SPAG16: variants seen among roughly 807,000 people sequenced by gnomAD.
SPAG16 encodes the protein sperm associated antigen 16.
SPAG16 carries 86 observed loss-of-function variants against 80.4 expected under a neutral mutation model. That is an observed-to-expected ratio of 1.07 (90% CI 0.90 to 1.28). SPAG16 has a LOEUF of 1.28. Among genes scored for constraint, SPAG16 ranks in the 50% most tolerant of loss-of-function variants. The pLI, the probability that SPAG16 is intolerant of heterozygous loss-of-function variation, is 0.00. For synonymous variants in SPAG16, 294 were observed against 265.9 expected (o/e 1.11, Z -1.03); for missense variants, 870 against 765.3 (o/e 1.14, Z -1.61).
intron 11 of SPAG16, among the ~76,000 whole-genome samples, chr2:213,887,426 G>T (rs143640051): frequency 2.0e-3 from 297 of 151,650 alleles, no homozygotes; most frequent in African/African-American, 6.9e-3. Flanking sequence ...TATCGTATTC[G>T]TCTGATGTTT....
chr2:213,718,361 C>A (rs1380148453), intron 10 of SPAG16, among the ~76,000 whole-genome samples: 1 of 151,954 alleles, frequency 6.6e-6, no homozygotes, highest in Non-Finnish European at 1.5e-5. Context: ...CTCTCGGCAC[C>A]CCCCCTGCCT....
At chr2:213,570,364 G>A (rs1331269904) in intron 10 of SPAG16, among the ~76,000 whole-genome samples, 1 of 18,054 alleles carries the variant, frequency 5.5e-5, no homozygotes, top group African/African-American at 4.1e-4. Flanking sequence ...GCTTTCTCTT[G>A]TAGGCATTTA....
intron 12 of SPAG16, among the ~76,000 whole-genome samples, chr2:214,008,267 TTATAAC>T (rs2047120084): frequency 6.6e-6 from 1 of 152,126 alleles, no homozygotes; most frequent in Non-Finnish European, 1.5e-5. Context: ...TGTGCACCCA[TTATAAC>T]TATATGTTTC....
intron 11 of SPAG16, among the ~76,000 whole-genome samples, chr2:213,927,310 G>C (rs1269825526): frequency 6.6e-6 from 1 of 152,178 alleles, no homozygotes; most frequent in Non-Finnish European, 1.5e-5. Flanking sequence ...ATTCACTTGT[G>C]CTCTTTTTGA....
intron 11 of SPAG16, among the ~76,000 whole-genome samples, chr2:213,873,662 A>G (rs189283519): frequency 1.2e-4 from 18 of 152,126 alleles, no homozygotes; most frequent in African/African-American, 3.6e-4. Context: ...GAATTATCCT[A>G]TAAGTTTTCA....
At chr2:213,878,697 C>A (rs2076232520) in intron 11 of SPAG16, among the ~76,000 whole-genome samples, 1 of 152,120 alleles carries the variant, frequency 6.6e-6, no homozygotes, top group Admixed American at 6.6e-5. Context: ...GTTGCTTGTG[C>A]TTCTGAGGTC....
intron 10 of SPAG16, among the ~76,000 whole-genome samples, chr2:213,621,357 A>G (rs2125053261): frequency 6.6e-6 from 1 of 152,338 alleles, no homozygotes; most frequent in Middle Eastern, 3.4e-3. Context: ...GATAAGTAAC[A>G]ATTTAAACAA....
At position 213,965,029 on chromosome 2, in the gene SPAG16, T is replaced by A. The variant is rs536509502; in HGVS notation, c.1400+34884T>A. Among the ~76,000 whole-genome samples the A allele has an allele frequency of 3.9e-5, 6 of 152,310 alleles. No homozygotes were observed. The South Asian group carries it at 1.2e-3, about 32-fold the overall frequency. On this transcript the variant is annotated intron_variant, in intron 12 of 15. Coordinates refer to ENST00000331683, the MANE Select transcript of SPAG16 (RefSeq NM_024532.5). Reference sequence around the variant, plus strand: ...CCTGTGTATGGCTGTGAATTGGACATTTTAGAAAATACAATGCAATGTTCA... The same window carrying A: ...CCTGTGTATGGCTGTGAATTGGACAATTTAGAAAATACAATGCAATGTTCA...
chr2:214,085,529 T>A (rs2051681708), intron 13 of SPAG16, among the ~76,000 whole-genome samples: 1 of 152,312 alleles, frequency 6.6e-6, no homozygotes, highest in East Asian at 1.9e-4. Context: ...AATACAAAAC[T>A]TTGATTATAC....
intron 3 of SPAG16, among the ~76,000 whole-genome samples, chr2:213,308,704 G>A (rs2063053387): frequency 6.6e-6 from 1 of 152,120 alleles, no homozygotes; most frequent in South Asian, 2.1e-4. Context: ...AGATTGCTTT[G>A]ACATTCTGCA....
chr2:213,287,217 A>G (rs1038997045), intron 1 of SPAG16, among the ~76,000 whole-genome samples: 1 of 152,254 alleles, frequency 6.6e-6, no homozygotes, highest in Non-Finnish European at 1.5e-5. Flanking sequence ...TGTGATAGAT[A>G]TGTAAAGGGT....
At chr2:213,743,836 ATTTTCC>A (rs1227528270) in intron 10 of SPAG16, among the ~76,000 whole-genome samples, 2 of 151,988 alleles carry the variant, frequency 1.3e-5, no homozygotes, top group Non-Finnish European at 2.9e-5. Context: ...TCTCTGTCCC[ATTTTCC>A]CACTGTTCTC....
At chr2:213,344,264 C>G (rs1239049518) in intron 6 of SPAG16, among the ~76,000 whole-genome samples, 1 of 152,110 alleles carries the variant, frequency 6.6e-6, no homozygotes, top group Non-Finnish European at 1.5e-5. Context: ...TTACGGAGTG[C>G]TTCCTCTACT....
intron 5 of SPAG16, among the ~76,000 whole-genome samples, chr2:213,336,908 C>T (rs2124924419): frequency 6.6e-6 from 1 of 152,290 alleles, no homozygotes; most frequent in East Asian, 1.9e-4. Context: ...TGATCCCACT[C>T]CTGCTGACTA....
chr2:213,869,545 A>G (rs2075867942), intron 11 of SPAG16, among the ~76,000 whole-genome samples: 1 of 151,418 alleles, frequency 6.6e-6, no homozygotes, highest in African/African-American at 2.4e-5. Flanking sequence ...TCAACTTTAT[A>G]TTCTTTGCAG....
chr2:213,616,468 G>A (rs933923325), intron 10 of SPAG16, among the ~76,000 whole-genome samples: 1 of 152,092 alleles, frequency 6.6e-6, no homozygotes, highest in Non-Finnish European at 1.5e-5. Flanking sequence ...AGCTACAATC[G>A]CTGTTATTAG....
At chr2:213,471,589 T>C (rs2073082001) in intron 9 of SPAG16, among the ~76,000 whole-genome samples, 1 of 152,164 alleles carries the variant, frequency 6.6e-6, no homozygotes, top group South Asian at 2.1e-4. Flanking sequence ...GATTCACCTA[T>C]GGGGGCCTGC....
chr2:214,265,994 A>C (rs1691540512), intron 15 of SPAG16, among the ~76,000 whole-genome samples: 1 of 151,904 alleles, frequency 6.6e-6, no homozygotes, highest in South Asian at 2.1e-4. Flanking sequence ...TATAAGTCCT[A>C]CGTGAGCTGA....
At chr2:213,505,850 T>C (rs2074947101) in intron 10 of SPAG16, among the ~76,000 whole-genome samples, 1 of 152,108 alleles carries the variant, frequency 6.6e-6, no homozygotes, top group Admixed American at 6.6e-5. Flanking sequence ...CTTTATGCAG[T>C]TAAGACCTTG....
Sources: allele counts gnomAD v4.1 joint callset (sites outside exome capture counted in the v4.1 genomes callset), GRCh38; gene constraint gnomAD v4.1.1; transcripts MANE v1.5; gene names NCBI Gene and HGNC (gene_info 2026-07-23, HGNC 2026-07-21).